The following CFAP91 variants were observed in gnomAD, a reference collection of about 807,000 sequenced individuals.
The protein encoded by CFAP91 is cilia and flagella associated protein 91.
Under a neutral mutation model 95.9 loss-of-function variants are expected in CFAP91, and 85 were observed. That is an observed-to-expected ratio of 0.89 (90% confidence interval 0.74 to 1.06). The LOEUF (loss-of-function observed/expected upper bound fraction) is 1.06, where lower values mean the gene tolerates loss of function less well. Among genes scored for constraint, CFAP91 ranks in the 50% least tolerant of loss-of-function variants. The pLI, the probability that CFAP91 is intolerant of heterozygous loss-of-function variation, is 0.00. For synonymous variants in CFAP91, 335 were observed against 327.5 expected (o/e 1.02, Z -0.25); for missense variants, 962 against 943.4 (o/e 1.02, Z -0.26).
chr3:119,716,729 G>A (rs1559750201), intron 6 of CFAP91, among the ~76,000 whole-genome samples: 1 of 152,280 alleles, frequency 6.6e-6, no homozygotes, highest in East Asian at 1.9e-4. Flanking sequence ...TGGGAGTACA[G>A]GTGCATGCCA....
intron 6 of CFAP91, among the ~76,000 whole-genome samples, chr3:119,723,900 C>T (rs1243761470): frequency 6.7e-6 from 1 of 150,356 alleles, no homozygotes; most frequent in African/African-American, 2.4e-5. Context: ...TGGCTTATGC[C>T]TGTAATCCCA....
At position 119,714,337 on chromosome 3, in the gene CFAP91, A is replaced by G. The variant is rs556480593; in HGVS notation, c.501-1225A>G. Among the ~76,000 whole-genome samples the G allele has an allele frequency of 9.3e-4, 138 of 148,448 alleles. 1 individual carries two copies. The South Asian group carries it at 0.028, about 30-fold the overall frequency. ...GCCGAGATCGCGCTACTGCACTCTA[A>G]CCTGGGCGACAGAGCGAGACTCCGT... On this transcript the variant is annotated intron_variant, in intron 5 of 17. Coordinates refer to ENST00000273390, the MANE Select transcript of CFAP91 (RefSeq NM_033364.4).
chr3:119,732,875 G>C lies in CFAP91; in HGVS notation c.1201+399G>C, dbSNP rs532406776. Among the ~76,000 whole-genome samples the C allele has an allele frequency of 1.4e-4, 22 of 152,340 alleles. No homozygotes were observed. In the South Asian group the frequency reaches 4.6e-3, roughly 32 times the overall value. On this transcript the variant is annotated intron_variant, in intron 9 of 17. Transcript: ENST00000273390. Reference sequence around the variant, plus strand: ...GAGAACCAGGTGATAAGTTCACGGAGAGGACTATACCTCTTATGAAGTTCA... The same window carrying C: ...GAGAACCAGGTGATAAGTTCACGGACAGGACTATACCTCTTATGAAGTTCA...
At chr3:119,722,519 T>C (rs77589120) in intron 6 of CFAP91, among the ~76,000 whole-genome samples, 1 of 152,252 alleles carries the variant, frequency 6.6e-6, no homozygotes, top group Non-Finnish European at 1.5e-5. Context: ...GATGGAGTCT[T>C]ACTCTGTTGC....
intron 10 of CFAP91, among the ~76,000 whole-genome samples, chr3:119,735,300 G>C (rs2053980430): frequency 6.6e-6 from 1 of 151,866 alleles, no homozygotes; most frequent in Non-Finnish European, 1.5e-5. Context: ...TTTAGGGTTT[G>C]TTTCACAGGT....
chr3:119,714,252 G>T (rs1257496831), intron 5 of CFAP91, among the ~76,000 whole-genome samples: 1 of 151,858 alleles, frequency 6.6e-6, no homozygotes, highest in African/African-American at 2.4e-5. Flanking sequence ...TGTAGTCCCA[G>T]CTACTCGGAA....
intron 14 of CFAP91, among the ~76,000 whole-genome samples, chr3:119,745,563 T>G (rs1350511526): frequency 6.6e-6 from 1 of 152,218 alleles, no homozygotes; most frequent in Non-Finnish European, 1.5e-5. Flanking sequence ...AACACACAGG[T>G]ACATATACAG....
intron 17 of CFAP91, among the ~76,000 whole-genome samples, chr3:119,756,283 G>A (rs1448754920): frequency 6.6e-6 from 1 of 152,106 alleles, no homozygotes; most frequent in Non-Finnish European, 1.5e-5. Flanking sequence ...CAAAAAGATG[G>A]AATGATATGT....
intron 5 of CFAP91, 86 bp from the exon 6 acceptor site, chr3:119,715,476 C>A: frequency 8.8e-7 from 1 of 1,140,150 alleles, no homozygotes; most frequent in Non-Finnish European, 1.3e-6. Context: ...CTTGACAAAG[C>A]TTCGAAGATT....
In CFAP91 at chr3:119,741,259, AT is replaced by A. The variant is rs370730019; in HGVS notation, c.1680+571del. Among the ~76,000 whole-genome samples, 5 of 152,036 alleles carry A rather than the reference AT, an allele frequency of 3.3e-5. No homozygotes were observed. In the East Asian group the frequency reaches 5.8e-4, roughly 18 times the overall value. On this transcript the variant is annotated intron_variant, in intron 13 of 17. Transcript: ENST00000273390. The stretch of plus-strand genomic sequence containing the variant: ...AGAATGCATTCTTTTCAACTTTAAG[AT>A]TTTTTTCCTTCCATTTTTTTCCCCA...
At chr3:119,751,120 G>GA in intron 17 of CFAP91, 22 bp downstream of exon 17, 1 of 1,573,082 alleles carries the variant, frequency 6.4e-7, no homozygotes, top group Non-Finnish European at 8.6e-7. Context: ...TTTCCACCAG[G>GA]AAAAAAAGCA....
chr3:119,761,611 A>T (rs1477560855), intron 17 of CFAP91, among the ~76,000 whole-genome samples: 2 of 151,806 alleles, frequency 1.3e-5, no homozygotes, highest in African/African-American at 4.8e-5. Flanking sequence ...AACAAACTAA[A>T]TTCAACAAAT....
chr3:119,731,830 C>G (rs2053903680), intron 8 of CFAP91, among the ~76,000 whole-genome samples: 1 of 152,214 alleles, frequency 6.6e-6, no homozygotes, highest in African/African-American at 2.4e-5. Context: ...CCAAACAGTT[C>G]AGAAAGCTGT....
intron 16 of CFAP91, chr3:119,750,676 A>G (rs903547679): frequency 2.1e-6 from 1 of 479,478 alleles, no homozygotes; most frequent in Non-Finnish European, 3.8e-6. Context: ...AGGATCTTGG[A>G]CATGAGCTTT....
intron 8 of CFAP91, among the ~76,000 whole-genome samples, chr3:119,730,804 A>G (rs2053883295): frequency 6.6e-6 from 1 of 152,190 alleles, no homozygotes; most frequent in Non-Finnish European, 1.5e-5. Flanking sequence ...TACCGCAGAT[A>G]TAACATATAT....
intron 1 of CFAP91, chr3:119,706,590 A>C (rs2053368225): frequency 2.0e-6 from 1 of 500,972 alleles, no homozygotes; most frequent in Non-Finnish European, 3.6e-6. Flanking sequence ...GCTGACTTGG[A>C]ATACTCAGAA....
chr3:119,749,967 G>A (rs138685490), intron 16 of CFAP91, among the ~76,000 whole-genome samples: 51 of 152,278 alleles, frequency 3.3e-4, no homozygotes, highest in South Asian at 8.3e-4. Context: ...TCTTTCAAGA[G>A]TTGTAGGTAT....
Position 119,732,500 on chromosome 3 carries a change from A to G in CFAP91, c.1201+24A>G, listed in dbSNP as rs774716515. On this transcript the variant is annotated intron_variant, in intron 9 of 17. Coordinates refer to ENST00000273390, the MANE Select transcript of CFAP91 (RefSeq NM_033364.4). ...AGGTAAGCAATTTACATAATTAGAA[A>G]TCCAGTATAAGAAGGTTGTCTCAGA... The G allele has an allele frequency of 4.1e-6, 6 of 1,448,144 alleles. No individual in the cohort carries two copies. In the African/African-American group the frequency reaches 8.6e-5, roughly 21 times the overall value. 89.7% of individuals were successfully genotyped at this position (1,448,144 alleles called of 1,614,324 possible).
chr3:119,763,543 A>G (rs1577254726), intron 17 of CFAP91, among the ~76,000 whole-genome samples: 2 of 152,226 alleles, frequency 1.3e-5, no homozygotes, highest in Admixed American at 1.3e-4. Flanking sequence ...ATTAATCACA[A>G]TAGCCAAGAT....
Sources: allele counts gnomAD v4.1 joint callset (sites outside exome capture counted in the v4.1 genomes callset), GRCh38; gene constraint gnomAD v4.1.1; transcripts MANE v1.5; gene names NCBI Gene and HGNC (gene_info 2026-07-23, HGNC 2026-07-21).